Variants in DYNC1H1 observed in about 807,000 individuals in gnomAD.
The protein encoded by DYNC1H1 is dynein cytoplasmic 1 heavy chain 1, also known as cytoplasmic dynein 1 heavy chain 1.
A neutral mutation model predicts 527.1 loss-of-function variants in DYNC1H1; 51 were observed. That is an observed-to-expected ratio of 0.10 (90% CI 0.08 to 0.12). The LOEUF is 0.12. DYNC1H1 is among the 10% of genes least tolerant of loss of function. DYNC1H1 has a pLI of 1.00. For missense variants in DYNC1H1, 2,771 were observed against 5,971.8 expected, an observed-to-expected ratio of 0.46 and a Z score of 17.66; for synonymous variants, 2,189 against 2,278.8, an observed-to-expected ratio of 0.96 and a Z score of 1.12.
Position 102,029,499 on chromosome 14 carries a change from G to A in DYNC1H1, c.9469-40G>A, listed in dbSNP as rs757673865. On this transcript the variant is annotated intron_variant, in intron 48 of 77. Transcript: ENST00000360184. This position sits in a 1 kb window ranked among gnomAD's most constrained non-coding sequence, Gnocchi z 5.3. ...TTGTTTTCTGAGGTTAAGTCACAGA[G>A]TTTCCTGAAGAGTGAGAAGATGTAA... 5.6e-6 allele frequency: 9 copies of A among 1,613,766 alleles called. No homozygotes were observed. In the East Asian group the frequency reaches 2.0e-4, roughly 36 times the overall value.
In DYNC1H1 at chr14:102,042,404, T is replaced by G; in HGVS notation, c.12296T>G (p.Val4099Gly). 1 of 1,614,202 alleles carries G rather than the reference T, an allele frequency of 6.2e-7. No homozygotes were observed. The stretch of plus-strand genomic sequence containing the variant: ...TGCAGGTGGGTGATGCTGAAGAATG[T>G]GCATCTGGCCCCAGGGTGGCTGATG... ...KSGRWVMLKN[V>G]HLAPGWLMQL... is the part of the protein sequence containing the mutation. The change falls in exon 68 of 78, where the codon GTG becomes GGG. Residue 4099 changes from valine (V) to glycine (G), a missense_variant. Coordinates refer to ENST00000360184, the MANE Select transcript of DYNC1H1 (RefSeq NM_001376.5). The surrounding 1 kb of genome is among the most constrained non-coding windows in gnomAD (Gnocchi z 5.7).
At chr14:102,032,593 T>A in intron 52 of DYNC1H1, 126 bp downstream of exon 52, 1 of 1,260,040 alleles carries the variant, frequency 7.9e-7, no homozygotes, top group Non-Finnish European at 1.1e-6. Flanking sequence ...GGCTCACGGC[T>A]CCAATCCCAG....
chr14:102,015,447 G>T lies in DYNC1H1; in HGVS notation c.7242+115G>T. On this transcript the variant is annotated intron_variant, in intron 35 of 77. Transcript: ENST00000360184. This position sits in a 1 kb window ranked among gnomAD's most constrained non-coding sequence, Gnocchi z 6.9. The stretch of plus-strand genomic sequence containing the variant: ...ACTCCTGGGCCCAAGCAATCCACCT[G>T]CCTTGGCCTCTCAAAGTGCTGGGAT... 1 of 1,241,148 alleles carries T rather than the reference G, an allele frequency of 8.1e-7. No homozygotes were observed. Among genetic ancestry groups the T allele is most frequent in the Admixed American group, 2.4e-5 (1 of 42,072 alleles). 76.9% of individuals were successfully genotyped at this position (1,241,148 alleles called of 1,614,324 possible).
At chr14:102,043,801 G>A in intron 69 of DYNC1H1, 74 bp from the exon 70 acceptor site, 1 of 1,605,304 alleles carries the variant, frequency 6.2e-7, no homozygotes, top group Non-Finnish European at 8.5e-7. Flanking sequence ...AGCTTTGACT[G>A]ACCTGGCATC....
intron 29 of DYNC1H1, among the ~76,000 whole-genome samples, chr14:102,008,604 G>T (rs986471698): frequency 6.6e-6 from 1 of 152,060 alleles, no homozygotes; most frequent in East Asian, 1.9e-4. Flanking sequence ...TCTGGCCAAC[G>T]TGGTGAAACC....
At chr14:102,000,880 A>AT in intron 18 of DYNC1H1, 74 bp from the exon 19 acceptor site, 1 of 1,458,786 alleles carries the variant, frequency 6.9e-7, no homozygotes, top group Non-Finnish European at 9.6e-7. Flanking sequence ...GCCTGAAACC[A>AT]TTTTTTAAAG....
intron 2 of DYNC1H1, 87 bp downstream of exon 2, chr14:101,975,886 C>A: frequency 6.6e-6 from 7 of 1,052,856 alleles, no homozygotes; most frequent in Non-Finnish European, 8.5e-6. Context: ...CTCAGAAATT[C>A]TTACTAAGAG....
Position 102,036,997 on chromosome 14 carries a change from T to C in DYNC1H1, c.10908+355T>C, listed in dbSNP as rs1250385332. On this transcript the variant is annotated intron_variant, in intron 57 of 77. Coordinates refer to ENST00000360184, the MANE Select transcript of DYNC1H1 (RefSeq NM_001376.5). This position sits in a 1 kb window ranked among gnomAD's most constrained non-coding sequence, Gnocchi z 5.6. ...CTGTAGTCCCAGCTACTCGGGAGGCTGAGGCAGGAGAATCACTTGAACCCG... is the reference window on the plus strand; with the variant it reads ...CTGTAGTCCCAGCTACTCGGGAGGCCGAGGCAGGAGAATCACTTGAACCCG... 3 of 342,070 alleles carry C rather than the reference T, an allele frequency of 8.8e-6. No individual in the cohort carries two copies. The allele number at this position is 342,070 out of a possible 1,614,324, so 21.2% of individuals were successfully genotyped here. A position where few individuals can be genotyped will look rare whatever the true frequency, so the allele number is the denominator to read the frequency against.
chr14:101,981,525 G>T (rs1038062793), intron 5 of DYNC1H1, among the ~76,000 whole-genome samples: 2 of 152,128 alleles, frequency 1.3e-5, no homozygotes, highest in African/African-American at 4.8e-5. Flanking sequence ...GCATTATTAG[G>T]CATTTCTGTT....
In DYNC1H1 at chr14:102,017,544, C is replaced by CAGCT. The variant is rs3830915; in HGVS notation, c.8177+41_8177+44dup. ...TAGACTGCTCTGCTTCACACACGCACAGCTCCAGGATTGCTGTAAACACAG... is the reference window on the plus strand; with the variant it reads ...TAGACTGCTCTGCTTCACACACGCACAGCTAGCTCCAGGATTGCTGTAAACACAG... On this transcript the variant is annotated intron_variant, in intron 40 of 77. Transcript: ENST00000360184. This position sits in a 1 kb window ranked among gnomAD's most constrained non-coding sequence, Gnocchi z 4.6. The CAGCT allele has an allele frequency of 0.12, 194,349 of 1,613,974 alleles. 12,962 individuals are homozygous for CAGCT. Among genetic ancestry groups the CAGCT allele is most frequent in the East Asian group, 0.24 (10,632 of 44,868 alleles).
rs2047942823 is a variant in DYNC1H1 at position 101,986,803 on chromosome 14, T to C, written c.2538+40T>C. ...AATCCTCAGGTGTCCTGGTAACGAA[T>C]GAAGCACAGTAATAGCGAGCTCAGT... On this transcript the variant is annotated intron_variant, in intron 8 of 77. Transcript: ENST00000360184. The surrounding 1 kb of genome is among the most constrained non-coding windows in gnomAD (Gnocchi z 8.7). The C allele has an allele frequency of 6.2e-7, 1 of 1,608,870 alleles. No individual in the cohort carries two copies. The highest frequency in any genetic ancestry group is 8.5e-7 in the Non-Finnish European group (1 of 1,175,430).
In DYNC1H1 at chr14:102,040,516, C is replaced by T. The variant is rs191262758; in HGVS notation, c.11866-82C>T. The stretch of plus-strand genomic sequence containing the variant: ...ACCCAGAATGTTGTGTCTGCGCTCT[C>T]GCGTCAGACTCTCGCTCAGTCGTGG... On this transcript the variant is annotated intron_variant, in intron 63 of 77. Coordinates refer to ENST00000360184, the MANE Select transcript of DYNC1H1 (RefSeq NM_001376.5). The T allele has an allele frequency of 1.8e-4, 292 of 1,609,230 alleles. 5 individuals carry two copies. The highest frequency in any genetic ancestry group is 4.2e-4 in the East Asian group (19 of 44,856).
At chr14:102,048,826 A>AGGG in intron 74 of DYNC1H1, 157 bp downstream of exon 74, 1 of 140,006 alleles carries the variant, frequency 7.1e-6, no homozygotes, top group Non-Finnish European at 1.4e-5. Flanking sequence ...GGGCGGGGGG[A>AGGG]GGGGAGGAGC....
At position 102,039,761 on chromosome 14, in the gene DYNC1H1, GC is replaced by G; in HGVS notation, c.11690+31del. On this transcript the variant is annotated intron_variant, in intron 62 of 77. Transcript: ENST00000360184. The surrounding 1 kb of genome is among the most constrained non-coding windows in gnomAD (Gnocchi z 7.0). ...AGAGCACTCACGCCCACAGGAGGATGCCATATTGCTGGTGGCCCCCAAGGGT... is the reference window on the plus strand; with the variant it reads ...AGAGCACTCACGCCCACAGGAGGATGCATATTGCTGGTGGCCCCCAAGGGT... The G allele has an allele frequency of 6.2e-7, 1 of 1,612,562 alleles. No homozygotes were observed. The highest frequency in any genetic ancestry group is 8.5e-7 in the Non-Finnish European group (1 of 1,178,762).
At chr14:102,004,341 G>T (rs191210429) in intron 23 of DYNC1H1, among the ~76,000 whole-genome samples, 177 bp from the exon 24 acceptor site, 2 of 152,304 alleles carry the variant, frequency 1.3e-5, no homozygotes, top group Admixed American at 1.3e-4. Context: ...ATCTTGTTAG[G>T]TAAGTGTGTA....
Position 102,044,867 on chromosome 14 carries a change from C to T in DYNC1H1, c.13006+169C>T, listed in dbSNP as rs916041670. 1.4e-6 allele frequency: 1 copy of T among 738,436 alleles called. No individual in the cohort carries two copies. Among genetic ancestry groups the T allele is most frequent in the East Asian group, 2.7e-5 (1 of 36,944 alleles). The allele number at this position is 738,436 out of a possible 1,614,324, so 45.7% of individuals were successfully genotyped here. On this transcript the variant is annotated intron_variant, in intron 72 of 77. Transcript: ENST00000360184. This position sits in a 1 kb window ranked among gnomAD's most constrained non-coding sequence, Gnocchi z 7.1. ...CAGCCTCGGCCTTCCTGCCAGTCTCCAGCTGCTCCTAGCTCCACTCCGAGG... is the reference window on the plus strand; with the variant it reads ...CAGCCTCGGCCTTCCTGCCAGTCTCTAGCTGCTCCTAGCTCCACTCCGAGG...
chr14:102,033,337 C>G lies in DYNC1H1; in HGVS notation c.10266C>G (p.Asp3422Glu). 1.2e-6 allele frequency: 2 copies of G among 1,614,178 alleles called. No homozygotes were observed. Among genetic ancestry groups the G allele is most frequent in the Non-Finnish European group, 1.7e-6 (2 of 1,180,034 alleles). The change falls in exon 54 of 78, where the codon GAC becomes GAG. Residue 3422 changes from aspartate to glutamate, a missense_variant. By Grantham distance (45) the Asp-to-Glu change is conservative. This residue lies in a region of DYNC1H1 where 283 missense variants were observed against 737.6 expected (regional missense o/e 0.38). Transcript: ENST00000360184. This position sits in a 1 kb window ranked among gnomAD's most constrained non-coding sequence, Gnocchi z 5.6. ...ATGAGCTGCAGAAGCTGGAAGATGACGCCAAGGACAACCAGCAGAAGGCCA... is the reference window on the plus strand; with the variant it reads ...ATGAGCTGCAGAAGCTGGAAGATGAGGCCAAGGACAACCAGCAGAAGGCCA... ...LRNELQKLEDDAKDNQQKANE... is the reference protein window; with the variant it reads ...LRNELQKLEDEAKDNQQKANE...
Position 102,044,444 on chromosome 14 carries a change from A to C in DYNC1H1, c.12855A>C (p.Ala4285=). 2 of 1,614,204 alleles carry C rather than the reference A, an allele frequency of 1.2e-6. No individual in the cohort carries two copies. Among genetic ancestry groups the C allele is most frequent in the South Asian group, 2.2e-5 (2 of 91,086 alleles). Residue 4285 remains alanine, a synonymous_variant, in exon 71 of 78, where the codon GCA becomes GCC. Coordinates refer to ENST00000360184, the MANE Select transcript of DYNC1H1 (RefSeq NM_001376.5). The surrounding 1 kb of genome is among the most constrained non-coding windows in gnomAD (Gnocchi z 7.1). ...TRSFDSEFKL[A]CKVDGHKDIQ... ...GTTTCGACAGTGAGTTTAAGCTGGCATGCAAGGTCGACGGACATAAAGACA... is the reference window on the plus strand; with the variant it reads ...GTTTCGACAGTGAGTTTAAGCTGGCCTGCAAGGTCGACGGACATAAAGACA...
In DYNC1H1 at chr14:101,994,826, C is replaced by T; in HGVS notation, c.3310C>T (p.Pro1104Ser). The change falls in exon 13 of 78, where the codon CCA becomes TCA. Residue 1104 changes from proline (P) to serine (S), a missense_variant. Transcript: ENST00000360184. ...DNAETKKEFG[P>S]VVIDYGKVQS... ...TGCAGAAACCAAGAAAGAGTTTGGA[C>T]CAGTAGTTATAGATTATGGCAAGGT... 6.2e-7 allele frequency: 1 copy of T among 1,614,112 alleles called. No individual in the cohort carries two copies. The highest frequency in any genetic ancestry group is 8.5e-7 in the Non-Finnish European group (1 of 1,180,022).
Sources: allele counts gnomAD v4.1 joint callset (sites outside exome capture counted in the v4.1 genomes callset), GRCh38; gene constraint gnomAD v4.1.1; regional missense constraint gnomAD v4.1.1; non-coding constraint Gnocchi (gnomAD v3.1); transcripts MANE v1.5; gene names NCBI Gene and HGNC (gene_info 2026-07-23, HGNC 2026-07-21).